Variants in ACBD6 observed in about 807,000 individuals in gnomAD.
ACBD6 encodes the protein acyl-CoA-binding domain-containing protein 6.
In ACBD6, 28 loss-of-function variants were observed where a neutral mutation model predicts 37.2. That is an observed-to-expected ratio of 0.75 (90% CI 0.56 to 1.03). The LOEUF (loss-of-function observed/expected upper bound fraction) is 1.03, where lower values mean the gene tolerates loss of function less well. Ranked by LOEUF, ACBD6 falls within the 50% of genes least tolerant of loss-of-function variation. ACBD6 has a pLI of 0.00. For missense variants in ACBD6, 340 were observed against 337.4 expected (o/e 1.01, Z -0.06); for synonymous variants, 113 against 126.8 (o/e 0.89, Z 0.73).
exon 14 of ACBD6, chr1:180,270,796 C>T (rs1648599600): frequency 6.2e-6 from 1 of 160,338 alleles, no homozygotes; most frequent in Admixed American, 5.8e-5. Context: ...TAGTTTTGAT[C>T]CACTAAGGTG....
intron 4 of ACBD6, among the ~76,000 whole-genome samples, chr1:180,419,465 G>A (rs965011144): frequency 2.0e-5 from 3 of 152,098 alleles, no homozygotes; most frequent in Non-Finnish European, 4.4e-5. Flanking sequence ...GAGGTAATAA[G>A]GTAGGTTCAA....
chr1:180,351,621 C>A (rs182928606), intron 6 of ACBD6, among the ~76,000 whole-genome samples: 1 of 148,586 alleles, frequency 6.7e-6, no homozygotes, highest in African/African-American at 2.5e-5. Flanking sequence ...ATTGAGATAC[C>A]ACTTCACATC....
intron 6 of ACBD6, among the ~76,000 whole-genome samples, chr1:180,386,711 G>C (rs1653858449): frequency 6.6e-6 from 1 of 151,808 alleles, no homozygotes; most frequent in Non-Finnish European, 1.5e-5. Flanking sequence ...AGTGCATCCA[G>C]TGAATTTTTA....
intron 3 of ACBD6, among the ~76,000 whole-genome samples, chr1:180,472,863 G>C (rs1650622622): frequency 6.6e-6 from 1 of 152,102 alleles, no homozygotes; most frequent in Admixed American, 6.5e-5. Flanking sequence ...AATCTTAGCT[G>C]AACTGAATCT....
chr1:180,347,255 T>C (rs1652219865), intron 6 of ACBD6, among the ~76,000 whole-genome samples: 1 of 151,880 alleles, frequency 6.6e-6, no homozygotes, highest in Admixed American at 6.6e-5. Flanking sequence ...AGACGAAATA[T>C]CTGAAAACAA....
intron 3 of ACBD6, among the ~76,000 whole-genome samples, chr1:180,444,077 G>A (rs920150792): frequency 6.6e-6 from 1 of 151,730 alleles, no homozygotes; most frequent in East Asian, 1.9e-4. Flanking sequence ...AGGAACATAA[G>A]TCCTACAAAC....
chr1:180,445,228 A>G (rs1571520901), intron 3 of ACBD6, among the ~76,000 whole-genome samples: 1 of 152,310 alleles, frequency 6.6e-6, no homozygotes, highest in African/African-American at 2.4e-5. Context: ...CCAACGCAAA[A>G]GTGTTTCAGC....
intron 3 of ACBD6, among the ~76,000 whole-genome samples, chr1:180,491,452 CAA>C (rs1473141835): frequency 6.6e-6 from 1 of 152,088 alleles, no homozygotes; most frequent in African/African-American, 2.4e-5. Context: ...CCAATGCTTC[CAA>C]AGTCCAAAGC....
chr1:180,402,958 T>G (rs954863982), intron 5 of ACBD6, among the ~76,000 whole-genome samples: 11 of 152,228 alleles, frequency 7.2e-5, no homozygotes, highest in Non-Finnish European at 2.9e-5. Context: ...AGCCCAGGTA[T>G]CCATCATAAG....
intron 7 of ACBD6, among the ~76,000 whole-genome samples, chr1:180,303,917 T>C (rs1650241595): frequency 6.6e-6 from 1 of 150,872 alleles, no homozygotes; most frequent in African/African-American, 2.4e-5. Flanking sequence ...CATGATTAAG[T>C]GGGCTTCATC....
At chr1:180,273,566 T>C (rs1648822551) in intron 11 of ACBD6, 1 of 152,612 alleles carries the variant, frequency 6.6e-6, no homozygotes, top group Non-Finnish European at 1.5e-5. Flanking sequence ...ATCCCCTTAA[T>C]GAAATTCTTT....
intron 3 of ACBD6, among the ~76,000 whole-genome samples, chr1:180,456,393 T>G (rs1279430859): frequency 2.0e-5 from 3 of 152,154 alleles, no homozygotes; most frequent in African/African-American, 7.2e-5. Flanking sequence ...TATGTGACAG[T>G]AGCAATTACA....
At chr1:180,382,622 C>T (rs1453165387) in intron 6 of ACBD6, among the ~76,000 whole-genome samples, 1 of 152,082 alleles carries the variant, frequency 6.6e-6, no homozygotes, top group East Asian at 1.9e-4. Context: ...TTCTACCAAA[C>T]TTTCAAAGAA....
intron 6 of ACBD6, among the ~76,000 whole-genome samples, chr1:180,315,719 T>TA (rs1374036781): frequency 1.3e-5 from 2 of 152,098 alleles, no homozygotes; most frequent in Non-Finnish European, 2.9e-5. Context: ...ACAGAGAACT[T>TA]ATTTTATGGT....
At chr1:180,321,702 T>C (rs796218795) in intron 6 of ACBD6, among the ~76,000 whole-genome samples, 12 of 152,284 alleles carry the variant, frequency 7.9e-5, no homozygotes, top group African/African-American at 2.9e-4. Flanking sequence ...CTGATTTTTG[T>C]ATGTTGATTT....
At chr1:180,415,768 C>T (rs999373180) in intron 4 of ACBD6, among the ~76,000 whole-genome samples, 14 of 152,136 alleles carry the variant, frequency 9.2e-5, no homozygotes, top group African/African-American at 2.9e-4. Context: ...TCCAAATGTG[C>T]ATGTATACCG....
chr1:180,272,044 A>C, intron 13 of ACBD6: 11 of 1,581,516 alleles, frequency 7.0e-6, no homozygotes, highest in Non-Finnish European at 9.4e-6. Flanking sequence ...AGGCCTTAGG[A>C]AAGTCCCCTG....
intron 6 of ACBD6, among the ~76,000 whole-genome samples, chr1:180,340,376 C>A (rs1183667363): frequency 2.0e-5 from 3 of 151,858 alleles, no homozygotes; most frequent in African/African-American, 7.3e-5. Flanking sequence ...GAAATAGTCA[C>A]TGGATTTAGC....
intron 3 of ACBD6, among the ~76,000 whole-genome samples, chr1:180,475,293 C>T (rs1194869559): frequency 6.6e-6 from 1 of 152,112 alleles, no homozygotes; most frequent in Non-Finnish European, 1.5e-5. Context: ...TCCTTGTGTC[C>T]CTTTTGTAAT....
Sources: allele counts gnomAD v4.1 joint callset (sites outside exome capture counted in the v4.1 genomes callset), GRCh38; gene constraint gnomAD v4.1.1; transcripts MANE v1.5; gene names NCBI Gene and HGNC (gene_info 2026-07-23, HGNC 2026-07-21).